CRHR1: variants seen among roughly 807,000 people sequenced by gnomAD.
CRHR1 encodes corticotropin-releasing hormone receptor 1.
In CRHR1, 28 loss-of-function variants were observed where a neutral mutation model predicts 56.0. That is an observed-to-expected ratio of 0.50 (90% CI 0.37 to 0.69). The LOEUF (loss-of-function observed/expected upper bound fraction) is 0.69. Among genes scored for constraint, CRHR1 ranks in the 30% least tolerant of loss-of-function variants. The pLI is 0.00. For synonymous variants in CRHR1, 195 were observed against 216.5 expected (o/e 0.90, Z 0.87); for missense variants, 376 against 548.0 (o/e 0.69, Z 3.13).
chr17:45,821,238 G>C, intron 3 of CRHR1, 117 bp from the exon 4 acceptor site: 1 of 883,538 alleles, frequency 1.1e-6, no homozygotes. Flanking sequence ...ACAACCCCCA[G>C]CCAGCAGGTG....
chr17:45,818,227 GC>G (rs2143084874), intron 3 of CRHR1, among the ~76,000 whole-genome samples: 1 of 152,316 alleles, frequency 6.6e-6, no homozygotes, highest in African/African-American at 2.4e-5. Flanking sequence ...CTCTTGTGTG[GC>G]CTCCGTGTTC....
intron 3 of CRHR1, among the ~76,000 whole-genome samples, chr17:45,817,937 C>G (rs1489304107): frequency 1.3e-5 from 2 of 152,164 alleles, no homozygotes; most frequent in African/African-American, 4.8e-5. Flanking sequence ...AATTGAGGCA[C>G]AGAGAGGCTA....
chr17:45,794,711 G>A lies in CRHR1; in HGVS notation c.33+10134G>A, dbSNP rs565446397. On this transcript the variant is annotated intron_variant, in intron 1 of 12. Transcript: ENST00000314537. ...GGTGAGCTGAGGACCCATGATCAGT[G>A]GTCGCAGCCCCTAGTGGGGCAAGGG... Among the ~76,000 whole-genome samples, 8 of 152,374 alleles carry A rather than the reference G, an allele frequency of 5.3e-5. No individual in the cohort carries two copies. In the East Asian group the frequency reaches 1.5e-3, roughly 29 times the overall value.
chr17:45,810,379 A>G (rs2061799430), intron 2 of CRHR1, among the ~76,000 whole-genome samples: 1 of 152,154 alleles, frequency 6.6e-6, no homozygotes, highest in Admixed American at 6.5e-5. Context: ...CAATCATTAC[A>G]ATACTGTAGT....
intron 2 of CRHR1, among the ~76,000 whole-genome samples, chr17:45,813,889 C>T (rs1378667506): frequency 6.6e-6 from 1 of 152,234 alleles, no homozygotes; most frequent in Non-Finnish European, 1.5e-5. Flanking sequence ...GTCTCCACGT[C>T]CCTGGCCAGC....
Position 45,816,680 on chromosome 17 carries a change from G to A in CRHR1, c.241+98G>A, listed in dbSNP as rs1243917307. On this transcript the variant is annotated intron_variant, in intron 3 of 12. Coordinates refer to ENST00000314537, the MANE Select transcript of CRHR1 (RefSeq NM_004382.5). ...AGGAAGAATGACGATGACAATAACA[G>A]TAATACCTCTTGTGGGGATCGCCCC... 6.4e-6 allele frequency: 10 copies of A among 1,561,950 alleles called. No homozygotes were observed. In the Admixed American group the frequency reaches 1.2e-4, roughly 19 times the overall value.
At chr17:45,832,638 A>G (rs1489349235) in intron 8 of CRHR1, among the ~76,000 whole-genome samples, 1 of 152,200 alleles carries the variant, frequency 6.6e-6, no homozygotes. Flanking sequence ...CAAAGCAATT[A>G]CCTCCTGCAG....
At chr17:45,803,653 TGGGATTACA>T (rs921434627) in intron 1 of CRHR1, among the ~76,000 whole-genome samples, 1 of 152,236 alleles carries the variant, frequency 6.6e-6, no homozygotes, top group African/African-American at 2.4e-5. Flanking sequence ...CCCAAAGTGC[TGGGATTACA>T]GGCGTGAGCC....
At chr17:45,828,247 T>C (rs1250459568) in intron 4 of CRHR1, among the ~76,000 whole-genome samples, 2 of 152,212 alleles carry the variant, frequency 1.3e-5, no homozygotes, top group Non-Finnish European at 2.9e-5. Context: ...CAGTCCCCTA[T>C]TATGGGCTGG....
chr17:45,786,884 G>T (rs2061346842), intron 1 of CRHR1, among the ~76,000 whole-genome samples: 1 of 152,078 alleles, frequency 6.6e-6, no homozygotes, highest in African/African-American at 2.4e-5. Flanking sequence ...CAAGCGATCA[G>T]CCAGCCTCGG....
chr17:45,800,588 A>G (rs4792888), intron 1 of CRHR1: 24,270 of 152,296 alleles, frequency 0.16, 2,997 homozygotes, highest in African/African-American at 0.35. Flanking sequence ...CCCCCACTTC[A>G]CAGATGAGGA....
intron 4 of CRHR1, chr17:45,826,794 G>T (rs1238127522): frequency 6.6e-6 from 1 of 152,264 alleles, no homozygotes; most frequent in Non-Finnish European, 1.5e-5. Flanking sequence ...TGGGCAACAT[G>T]GCAAAACCCC....
chr17:45,835,019 A>G lies in CRHR1; in HGVS notation c.*255A>G. On this transcript the variant is annotated 3_prime_UTR_variant, in exon 13 of 13. Coordinates refer to ENST00000314537, the MANE Select transcript of CRHR1 (RefSeq NM_004382.5). ...TTCCCTGCCCAATCCTCCCTGGAGA[A>G]GGGACATGGGAATGAATTGAAATGG... The G allele has an allele frequency of 1.8e-6, 1 of 549,974 alleles. No individual in the cohort carries two copies. The highest frequency in any genetic ancestry group is 3.2e-6 in the Non-Finnish European group (1 of 309,284). 34.1% of individuals were successfully genotyped at this position (549,974 alleles called of 1,614,324 possible).
At chr17:45,805,349 C>T (rs904135079) in intron 1 of CRHR1, among the ~76,000 whole-genome samples, 4 of 152,192 alleles carry the variant, frequency 2.6e-5, no homozygotes, top group African/African-American at 9.7e-5. Flanking sequence ...GTCCCGGCCC[C>T]TTGTGAGAAG....
intron 8 of CRHR1, among the ~76,000 whole-genome samples, chr17:45,832,291 G>T (rs771707471): frequency 6.6e-6 from 1 of 152,134 alleles, no homozygotes; most frequent in Non-Finnish European, 1.5e-5. Context: ...GAGTCTGAGC[G>T]GCTCTGAAGC....
intron 1 of CRHR1, among the ~76,000 whole-genome samples, chr17:45,797,316 A>C: frequency 9.7e-6 from 1 of 102,830 alleles, no homozygotes; most frequent in Non-Finnish European, 1.8e-5. Context: ...TTTGAGACGG[A>C]GTCTCGCTGT....
At chr17:45,813,069 G>A (rs2061853942) in intron 2 of CRHR1, among the ~76,000 whole-genome samples, 1 of 152,190 alleles carries the variant, frequency 6.6e-6, no homozygotes, top group African/African-American at 2.4e-5. Context: ...TCCTTGTGGG[G>A]ATTTCAGACA....
intron 1 of CRHR1, among the ~76,000 whole-genome samples, chr17:45,791,407 T>C (rs2061422899): frequency 6.6e-6 from 1 of 151,814 alleles, no homozygotes; most frequent in Non-Finnish European, 1.5e-5. Flanking sequence ...TCGCTCAGGG[T>C]GGATGATTTC....
chr17:45,833,693 T>TGCCCCCCCCC, intron 10 of CRHR1, 21 bp from the exon 11 acceptor site: 2 of 1,571,612 alleles, frequency 1.3e-6, no homozygotes, highest in Non-Finnish European at 1.7e-6. Flanking sequence ...ACTCCGAGCC[T>TGCCCCCCCCC]CCCCACCCGC....
Sources: allele counts gnomAD v4.1 joint callset (sites outside exome capture counted in the v4.1 genomes callset), GRCh38; gene constraint gnomAD v4.1.1; transcripts MANE v1.5; gene names NCBI Gene and HGNC (gene_info 2026-07-23, HGNC 2026-07-21).